ARHGAP18: variants seen among roughly 807,000 people sequenced by gnomAD.
The protein encoded by ARHGAP18 is Rho GTPase activating protein 18, also known as rho GTPase-activating protein 18.
A neutral mutation model predicts 86.2 loss-of-function variants in ARHGAP18; 67 were observed. The observed-to-expected ratio is 0.78, with a 90% confidence interval of 0.64 to 0.95. The LOEUF (loss-of-function observed/expected upper bound fraction) is 0.95. ARHGAP18 is among the 40% of genes least tolerant of loss of function. The pLI, the probability that ARHGAP18 is intolerant of heterozygous loss-of-function variation, is 0.00. For missense variants in ARHGAP18, 691 were observed against 780.4 expected (o/e 0.89, Z 1.37); for synonymous variants, 283 against 280.4 (o/e 1.01, Z -0.09).
Position 129,584,071 on chromosome 6 carries a change from A to T in ARHGAP18, c.1755T>A (p.His585Gln). The T allele has an allele frequency of 6.2e-7, 1 of 1,613,750 alleles. No individual in the cohort carries two copies. Residue 585 changes from histidine to glutamine, a missense_variant, in exon 13 of 15, where the codon CAT becomes CAA. Coordinates refer to ENST00000368149, the MANE Select transcript of ARHGAP18 (RefSeq NM_033515.3). ...PQGVIRVQAP[H>Q]LSKVSMAIQL... ...GTATTGCCATGGAAACTTTCGAAAG[A>T]TGGGGAGCTTGCACTCGAATCACTC...
chr6:129,676,360 T>G (rs572122507), intron 1 of ARHGAP18, among the ~76,000 whole-genome samples: 1 of 152,242 alleles, frequency 6.6e-6, no homozygotes, highest in East Asian at 1.9e-4. Context: ...ATAACACCAT[T>G]AGAACCTACA....
intron 1 of ARHGAP18, among the ~76,000 whole-genome samples, chr6:129,657,199 T>C (rs1773855514): frequency 1.3e-5 from 2 of 152,224 alleles, no homozygotes; most frequent in South Asian, 2.1e-4. Flanking sequence ...TCATAAATGT[T>C]TTTTGCTTCC....
chr6:129,688,249 T>C (rs905104238), intron 1 of ARHGAP18, among the ~76,000 whole-genome samples: 10 of 152,174 alleles, frequency 6.6e-5, no homozygotes, highest in African/African-American at 2.4e-4. Context: ...TAAAACCCAA[T>C]CCTATCCAAC....
intron 12 of ARHGAP18, among the ~76,000 whole-genome samples, chr6:129,595,810 T>C (rs941258694): frequency 2.0e-5 from 3 of 152,212 alleles, no homozygotes; most frequent in African/African-American, 7.2e-5. Flanking sequence ...ATACTCAATA[T>C]GTCCTAAATT....
intron 1 of ARHGAP18, among the ~76,000 whole-genome samples, chr6:129,657,875 C>T (rs867265457): frequency 1.3e-5 from 2 of 152,304 alleles, no homozygotes; most frequent in Middle Eastern, 3.4e-3. Context: ...TTATTAGCTG[C>T]CTCCTAAGCA....
chr6:129,599,286 A>G lies in ARHGAP18; in HGVS notation c.1643T>C (p.Met548Thr). 2 of 1,596,886 alleles carry G rather than the reference A, an allele frequency of 1.3e-6. No individual in the cohort carries two copies. Among genetic ancestry groups the G allele is most frequent in the Non-Finnish European group, 1.7e-6 (2 of 1,173,778 alleles). Residue 548 changes from methionine (M) to threonine (T), a missense_variant, in exon 12 of 15, where the codon ATG becomes ACG. Met to Thr is a moderately conservative substitution (Grantham distance 81, BLOSUM62 -1). Transcript: ENST00000368149. ...TENHKKDKRA[M>T]KKLLKKMAYD... Reference sequence around the variant, plus strand: ...AGCCATTTTCTTCAGCAATTTCTTCATGGCTCTTTTATCCTTTTTATGATT... The same window carrying G: ...AGCCATTTTCTTCAGCAATTTCTTCGTGGCTCTTTTATCCTTTTTATGATT...
At chr6:129,701,818 A>T (rs182837316) in intron 1 of ARHGAP18, among the ~76,000 whole-genome samples, 246 of 152,258 alleles carry the variant, frequency 1.6e-3, no homozygotes, top group African/African-American at 5.8e-3. Flanking sequence ...AAATAAAGAG[A>T]TGGGTCAGTT....
chr6:129,643,364 T>C (rs892907940), intron 1 of ARHGAP18, among the ~76,000 whole-genome samples: 9 of 152,094 alleles, frequency 5.9e-5, no homozygotes, highest in African/African-American at 2.4e-5. Context: ...TGAGTTGTCA[T>C]GAGATCTGAT....
intron 12 of ARHGAP18, 78 bp downstream of exon 12, chr6:129,599,138 A>T: frequency 8.1e-7 from 1 of 1,231,292 alleles, no homozygotes; most frequent in South Asian, 2.1e-5. Context: ...TCATACTATG[A>T]AAACATTAAA....
chr6:129,607,354 G>T (rs1788874725), intron 9 of ARHGAP18, among the ~76,000 whole-genome samples: 1 of 152,178 alleles, frequency 6.6e-6, no homozygotes, highest in Non-Finnish European at 1.5e-5. Context: ...GCTTGCCCAA[G>T]ACGACAAAAT....
At chr6:129,667,503 G>GTGTA (rs548429421) in intron 1 of ARHGAP18, among the ~76,000 whole-genome samples, 5,282 of 145,356 alleles carry the variant, frequency 0.036, 317 homozygotes, top group African/African-American at 0.12. Flanking sequence ...GTGTGTGTGT[G>GTGTA]TGTTGTGTAT....
intron 12 of ARHGAP18, among the ~76,000 whole-genome samples, chr6:129,593,226 G>A (rs1418887277): frequency 2.0e-5 from 3 of 152,184 alleles, no homozygotes; most frequent in South Asian, 4.2e-4. Context: ...GTGAAAGGCT[G>A]AGGAGGGAGG....
At chr6:129,676,487 C>A (rs1445327951) in intron 1 of ARHGAP18, among the ~76,000 whole-genome samples, 1 of 152,180 alleles carries the variant, frequency 6.6e-6, no homozygotes, top group African/African-American at 2.4e-5. Context: ...AGCCCTCACA[C>A]CCCTGGCATC....
intron 1 of ARHGAP18, among the ~76,000 whole-genome samples, chr6:129,659,677 G>C (rs909978960): frequency 2.6e-5 from 4 of 152,072 alleles, no homozygotes; most frequent in African/African-American, 9.7e-5. Context: ...TCGGCATGTC[G>C]GCCAGGCTGG....
At chr6:129,630,241 G>C (rs1773171758) in intron 4 of ARHGAP18, among the ~76,000 whole-genome samples, 2 of 152,018 alleles carry the variant, frequency 1.3e-5, no homozygotes, top group East Asian at 3.8e-4. Context: ...TGGCTTTTTT[G>C]GCTTGTTGTT....
At chr6:129,641,338 A>G (rs144321750) in intron 2 of ARHGAP18, among the ~76,000 whole-genome samples, 1,843 of 152,334 alleles carry the variant, frequency 0.012, 36 homozygotes, top group African/African-American at 0.042. Context: ...TCCCAAAGGC[A>G]TAACTACAGC....
At chr6:129,587,773 G>A (rs1029155030) in intron 12 of ARHGAP18, among the ~76,000 whole-genome samples, 2 of 152,180 alleles carry the variant, frequency 1.3e-5, no homozygotes, top group African/African-American at 2.4e-5. Flanking sequence ...TAGAATTCAA[G>A]ATGAGATTTG....
Position 129,688,807 on chromosome 6 carries a change from T to C in ARHGAP18, c.113+21217A>G, listed in dbSNP as rs1312650175. On this transcript the variant is annotated intron_variant, in intron 1 of 14. Coordinates refer to ENST00000368149, the MANE Select transcript of ARHGAP18 (RefSeq NM_033515.3). ...AACTCCAAGTCAAAAAAAAAAAATA[T>C]GCCTTATCATTGGTAGCTACTACAC... is the stretch of plus-strand genomic sequence containing the variant. 2.0e-5 allele frequency among the ~76,000 whole-genome samples: 3 copies of C among 149,938 alleles called. No individual in the cohort carries two copies. The East Asian group carries it at 5.9e-4, about 29-fold the overall frequency.
intron 1 of ARHGAP18, among the ~76,000 whole-genome samples, chr6:129,651,676 G>A (rs1773712534): frequency 6.6e-6 from 1 of 151,996 alleles, no homozygotes; most frequent in Non-Finnish European, 1.5e-5. Flanking sequence ...CCCTGCGGTG[G>A]TTCACCATTC....
Sources: gnomAD v4.1 joint callset for allele counts (sites outside exome capture counted in the v4.1 genomes callset) on GRCh38, gnomAD v4.1.1 for gene constraint, MANE v1.5 for transcripts, NCBI Gene and HGNC (gene_info 2026-07-23, HGNC 2026-07-21) for gene names.